Variants in CDC14B observed in about 807,000 individuals in gnomAD.
CDC14B encodes the protein cell division cycle 14B, also known as dual specificity protein phosphatase CDC14B.
CDC14B carries 22 observed loss-of-function variants against 64.2 expected under a neutral mutation model. The observed-to-expected ratio is 0.34, with a 90% confidence interval of 0.24 to 0.49. The LOEUF (loss-of-function observed/expected upper bound fraction) is 0.49. CDC14B is among the 20% of genes least tolerant of loss of function. CDC14B has a pLI of 0.99. For synonymous variants in CDC14B, 191 were observed against 215.8 expected (o/e 0.89, Z 1.01); for missense variants, 498 against 629.9 (o/e 0.79, Z 2.24).
chr9:96,509,911 A>G, intron 12 of CDC14B, 122 bp from the exon 13 acceptor site: 1 of 622,930 alleles, frequency 1.6e-6, no homozygotes, highest in Non-Finnish European at 2.8e-6. Flanking sequence ...ATTTTCCATC[A>G]ACACATTTAC....
intron 1 of CDC14B, among the ~76,000 whole-genome samples, chr9:96,572,815 A>G (rs900645456): frequency 1.3e-5 from 2 of 152,224 alleles, no homozygotes; most frequent in East Asian, 3.8e-4. Flanking sequence ...TCCAACAGCC[A>G]ATATCACACT....
chr9:96,571,456 G>A (rs1844471572), intron 1 of CDC14B, among the ~76,000 whole-genome samples: 1 of 152,066 alleles, frequency 6.6e-6, no homozygotes, highest in Non-Finnish European at 1.5e-5. Flanking sequence ...TTACAGGGGT[G>A]AGCCACCTCG....
In CDC14B at chr9:96,541,856, T is replaced by C. The variant is rs758678876; in HGVS notation, c.534A>G (p.Thr178=). Residue 178 remains threonine (T), a synonymous_variant, in exon 6 of 14, where the codon ACA becomes ACG. Coordinates refer to ENST00000375241, the MANE Select transcript of CDC14B (RefSeq NM_033331.4). The stretch of plus-strand genomic sequence containing the variant: ...TTACTGCATGAAAACAGTCAAGAAG[T>C]GTAATGTAGAAATTGCAACTTCCAT... ...AAYGSCNFYI[T]LLDCFHAVKK... The C allele has an allele frequency of 3.7e-6, 6 of 1,609,650 alleles. No homozygotes were observed. The African/African-American group carries it at 5.3e-5, about 14-fold the overall frequency.
intron 1 of CDC14B, among the ~76,000 whole-genome samples, chr9:96,609,110 G>A (rs1021742667): frequency 1.1e-4 from 16 of 152,106 alleles, no homozygotes; most frequent in African/African-American, 3.6e-4. Flanking sequence ...GATTACAGGT[G>A]CATGCCAACA....
chr9:96,574,349 C>G (rs1040251414), intron 1 of CDC14B, among the ~76,000 whole-genome samples: 4 of 151,988 alleles, frequency 2.6e-5, no homozygotes, highest in African/African-American at 9.7e-5. Context: ...CGTGGGACAA[C>G]TTGTTGTCCA....
At chr9:96,618,682 C>T (rs1212331780) in intron 1 of CDC14B, 4 of 486,646 alleles carry the variant, frequency 8.2e-6, no homozygotes, top group African/African-American at 5.9e-5. Context: ...GGGGCTCGGG[C>T]TTACGCGCCG....
At chr9:96,513,941 G>A (rs1269855931) in intron 12 of CDC14B, among the ~76,000 whole-genome samples, 2 of 152,256 alleles carry the variant, frequency 1.3e-5, no homozygotes, top group Admixed American at 1.3e-4. Flanking sequence ...GGTGATGACA[G>A]AGGATGGTGG....
At chr9:96,566,564 A>T (rs1046549988) in intron 1 of CDC14B, among the ~76,000 whole-genome samples, 2 of 152,150 alleles carry the variant, frequency 1.3e-5, no homozygotes, top group African/African-American at 4.8e-5. Context: ...CTCACCTACT[A>T]GGCTCAGGTG....
At chr9:96,536,927 T>TA (rs775058005) in intron 7 of CDC14B, among the ~76,000 whole-genome samples, 12 of 152,192 alleles carry the variant, frequency 7.9e-5, no homozygotes, top group Admixed American at 2.0e-4. Context: ...TATACTATGT[T>TA]AAAAAACATA....
intron 13 of CDC14B, among the ~76,000 whole-genome samples, chr9:96,506,140 C>T (rs1263546877): frequency 1.3e-5 from 2 of 152,140 alleles, no homozygotes; most frequent in Non-Finnish European, 2.9e-5. Context: ...AACTGGTAAA[C>T]CTGCTACGTT....
At chr9:96,618,146 T>C (rs1044548069) in intron 1 of CDC14B, among the ~76,000 whole-genome samples, 2 of 152,198 alleles carry the variant, frequency 1.3e-5, no homozygotes, top group African/African-American at 4.8e-5. Flanking sequence ...GAACCTAGAA[T>C]ATTATTTCTC....
chr9:96,564,793 A>G lies in CDC14B; in HGVS notation c.311T>C (p.Ile104Thr). The G allele has an allele frequency of 3.8e-6, 6 of 1,598,316 alleles. No homozygotes were observed. Among genetic ancestry groups the G allele is most frequent in the Non-Finnish European group, 5.1e-6 (6 of 1,170,960 alleles). Reference sequence around the variant, plus strand: ...AGACTTTACCTTTAATTTCTTATTGATCTTGCAACAATATCTGTAAACCAT... The same window carrying G: ...AGACTTTACCTTTAATTTCTTATTGGTCTTGCAACAATATCTGTAAACCAT... ...LAMVYRYCCKINKKLKSITML... is the reference protein window; with the variant it reads ...LAMVYRYCCKTNKKLKSITML... Residue 104 changes from isoleucine (I) to threonine (T), a missense_variant, in exon 3 of 14, where the codon ATC becomes ACC. Physicochemically the swap from Ile to Thr is moderately conservative, Grantham distance 89. Transcript: ENST00000375241.
Position 96,569,239 on chromosome 9 carries a change from A to G in CDC14B, c.161-3756T>C, listed in dbSNP as rs13294019. 5.3e-3 allele frequency among the ~76,000 whole-genome samples: 812 copies of G among 152,370 alleles called. 3 individuals carry two copies. The highest frequency in any genetic ancestry group is 8.5e-3 in the Non-Finnish European group (581 of 68,034). ...TTTTTCCAAAGCCGACTCTTGATCA[A>G]GATAGGAAGCATATAATGAGCACAG... On this transcript the variant is annotated intron_variant, in intron 1 of 13. Transcript: ENST00000375241.
At chr9:96,511,327 C>CT (rs1312699806) in intron 12 of CDC14B, among the ~76,000 whole-genome samples, 3 of 152,214 alleles carry the variant, frequency 2.0e-5, no homozygotes, top group African/African-American at 7.2e-5. Context: ...AATCCTAGCA[C>CT]TTTGAGAGGC....
downstream of CDC14B, among the ~76,000 whole-genome samples, chr9:96,497,551 C>G (rs1222509958): frequency 6.6e-6 from 1 of 152,208 alleles, no homozygotes; most frequent in African/African-American, 2.4e-5. Flanking sequence ...GACCCCCTAC[C>G]CACGGCGCTG....
chr9:96,604,651 C>T (rs1174014275), intron 1 of CDC14B, among the ~76,000 whole-genome samples: 1 of 151,692 alleles, frequency 6.6e-6, no homozygotes, highest in Non-Finnish European at 1.5e-5. Context: ...AGCCACCACA[C>T]CTGGCCTTTT....
At chr9:96,561,973 C>A (rs1843272608) in intron 4 of CDC14B, among the ~76,000 whole-genome samples, 1 of 152,134 alleles carries the variant, frequency 6.6e-6, no homozygotes, top group African/African-American at 2.4e-5. Flanking sequence ...GCTTTCAGGG[C>A]CCCTGCAGAC....
chr9:96,539,186 A>G (rs1255347755), intron 6 of CDC14B, 46 bp from the exon 7 acceptor site: 2 of 1,330,854 alleles, frequency 1.5e-6, no homozygotes, highest in Non-Finnish European at 2.2e-6. Flanking sequence ...GCAAATAAGA[A>G]AACAGTTTCC....
chr9:96,551,796 C>G lies in CDC14B; in HGVS notation c.497G>C (p.Arg166Thr). 1.2e-6 allele frequency: 2 copies of G among 1,607,428 alleles called. No homozygotes were observed. Among genetic ancestry groups the G allele is most frequent in the Non-Finnish European group, 1.7e-6 (2 of 1,176,968 alleles). ...IFGETSYIPF[R>T]DAAYGSCNFY... ...TCTACCACATCATTCTTATATTTAC[C>G]TGAAAGGAATATAGGATGTCTCTCC... is the stretch of plus-strand genomic sequence containing the variant. The change falls in exon 5 of 14, where the codon AGA (arginine) becomes ACA (threonine). Residue 166 changes from arginine to threonine, a missense_variant and splice_region_variant. Coordinates refer to ENST00000375241, the MANE Select transcript of CDC14B (RefSeq NM_033331.4).
Sources: allele counts gnomAD v4.1 joint callset (sites outside exome capture counted in the v4.1 genomes callset), GRCh38; gene constraint gnomAD v4.1.1; transcripts MANE v1.5; gene names NCBI Gene and HGNC (gene_info 2026-07-23, HGNC 2026-07-21).